Variants in RAB3IP observed in about 807,000 individuals in gnomAD.
RAB3IP encodes the protein RAB3A interacting protein.
In RAB3IP, 36 loss-of-function variants were observed where a neutral mutation model predicts 59.1. That is an observed-to-expected ratio of 0.61 (90% CI 0.47 to 0.80). The LOEUF is 0.80. Ranked by LOEUF, RAB3IP falls within the 30% of genes least tolerant of loss-of-function variation. RAB3IP has a pLI of 0.00. For missense variants in RAB3IP, 511 were observed against 536.0 expected, an observed-to-expected ratio of 0.95 and a Z score of 0.46; for synonymous variants, 207 against 191.2, an observed-to-expected ratio of 1.08 and a Z score of -0.68.
rs368657053 is a variant in RAB3IP, at chr12:69,795,666, C to T, written c.888+322C>T. Reference sequence around the variant, plus strand: ...CTAGTCAAAATTTATTGCTAGAGTGCGCTTACAAAGTATGGATATAAGAAA... The same window carrying T: ...CTAGTCAAAATTTATTGCTAGAGTGTGCTTACAAAGTATGGATATAAGAAA... On this transcript the variant is annotated intron_variant, in intron 6 of 10. Coordinates refer to ENST00000247833, the MANE Select transcript of RAB3IP (RefSeq NM_022456.5). 6.9e-5 allele frequency: 30 copies of T among 432,026 alleles called. 1 individual carries two copies. The highest frequency in any genetic ancestry group is 6.1e-4 in the South Asian group (8 of 13,032). The allele number at this position is 432,026 out of a possible 1,614,324, so 26.8% of individuals were successfully genotyped here.
At chr12:69,811,896 A>G (rs1880513112) in intron 8 of RAB3IP, 3 of 152,194 alleles carry the variant, frequency 2.0e-5, no homozygotes, top group Admixed American at 2.0e-4. Context: ...TTATACTGTC[A>G]TATAAAATGC....
At chr12:69,795,366 C>T (rs1200432489) in intron 6 of RAB3IP, 22 bp downstream of exon 6, 3 of 1,580,814 alleles carry the variant, frequency 1.9e-6, no homozygotes, top group Middle Eastern at 1.7e-4. Flanking sequence ...AGGACTGTCC[C>T]CTCTGACTCT....
chr12:69,769,724 T>C (rs964272756), intron 3 of RAB3IP, among the ~76,000 whole-genome samples: 8 of 152,262 alleles, frequency 5.3e-5, no homozygotes, highest in South Asian at 4.1e-4. Context: ...AAAAATAATA[T>C]AGATATGTCT....
chr12:69,806,322 T>A (rs550591726), intron 8 of RAB3IP, among the ~76,000 whole-genome samples: 1 of 152,220 alleles, frequency 6.6e-6, no homozygotes, highest in Non-Finnish European at 1.5e-5. Context: ...AGTTTGTATT[T>A]CTGTGGGAGC....
At chr12:69,740,382 T>C (rs917402156) in intron 1 of RAB3IP, among the ~76,000 whole-genome samples, 1 of 152,256 alleles carries the variant, frequency 6.6e-6, no homozygotes, top group Non-Finnish European at 1.5e-5. Flanking sequence ...GCTTATGTGA[T>C]CTAATCCTAA....
chr12:69,800,154 T>C, intron 6 of RAB3IP, 55 bp from the exon 7 acceptor site: 1 of 1,391,118 alleles, frequency 7.2e-7, no homozygotes. Flanking sequence ...TGTAAAGCGG[T>C]TTTTATGTTT....
intron 8 of RAB3IP, among the ~76,000 whole-genome samples, chr12:69,808,248 C>T (rs1202986737): frequency 1.3e-5 from 2 of 152,150 alleles, no homozygotes; most frequent in African/African-American, 4.8e-5. Flanking sequence ...GCACTGTGGT[C>T]TGAGAGACAG....
intron 3 of RAB3IP, among the ~76,000 whole-genome samples, chr12:69,764,438 A>C (rs1378618872): frequency 6.6e-6 from 1 of 152,180 alleles, no homozygotes; most frequent in Non-Finnish European, 1.5e-5. Flanking sequence ...ATTTTTGTCA[A>C]AGATCAGATG....
intron 3 of RAB3IP, among the ~76,000 whole-genome samples, chr12:69,768,149 C>T (rs1170674034): frequency 6.6e-6 from 1 of 151,966 alleles, no homozygotes; most frequent in African/African-American, 2.4e-5. Context: ...CCGTGATCTG[C>T]ATCCAGTAAG....
In RAB3IP at chr12:69,820,794, G is replaced by A. The variant is rs947442739; in HGVS notation, c.*5348G>A. On this transcript the variant is annotated 3_prime_UTR_variant, in exon 11 of 11. Coordinates refer to ENST00000247833, the MANE Select transcript of RAB3IP (RefSeq NM_022456.5). ...AAACGCTCGAACCCAGGAGGCAGAG[G>A]TTGTGGTGAGTTGACATCACGCCAT... 1 of 146,602 alleles carries A rather than the reference G, an allele frequency of 6.8e-6. No individual in the cohort carries two copies. Among genetic ancestry groups the A allele is most frequent in the African/African-American group, 2.5e-5 (1 of 39,396 alleles). The allele number at this position is 146,602 out of a possible 1,614,324, so 9.1% of individuals were successfully genotyped here. A position where few individuals can be genotyped will look rare whatever the true frequency, so the allele number is the denominator to read the frequency against.
At chr12:69,795,954 A>C (rs1877370610) in intron 6 of RAB3IP, 2 of 152,716 alleles carry the variant, frequency 1.3e-5, no homozygotes, top group Non-Finnish European at 2.9e-5. Flanking sequence ...TCAGACACTT[A>C]CAACTATGTA....
intron 6 of RAB3IP, among the ~76,000 whole-genome samples, chr12:69,797,052 T>G (rs893502063): frequency 1.4e-4 from 21 of 152,230 alleles, no homozygotes; most frequent in Non-Finnish European, 2.5e-4. Context: ...TTACATAAAT[T>G]TGACCTGTGT....
In RAB3IP at chr12:69,800,351, A is replaced by G. The variant is rs1460832562; in HGVS notation, c.1017+14A>G. The stretch of plus-strand genomic sequence containing the variant: ...TCAAAAAGTGAGGTAATTTTTTTTC[A>G]TTTTAGTAGGAATTCATTATAGTTG... On this transcript the variant is annotated intron_variant, in intron 7 of 10. Coordinates refer to ENST00000247833, the MANE Select transcript of RAB3IP (RefSeq NM_022456.5). 6.7e-7 allele frequency: 1 copy of G among 1,492,636 alleles called. No homozygotes were observed. Among genetic ancestry groups the G allele is most frequent in the Non-Finnish European group, 9.1e-7 (1 of 1,096,028 alleles). The allele number at this position is 1,492,636 out of a possible 1,614,324, so 92.5% of individuals were successfully genotyped here. A position where few individuals can be genotyped will look rare whatever the true frequency, so the allele number is the denominator to read the frequency against.
chr12:69,785,841 C>G (rs1875551923), intron 4 of RAB3IP, among the ~76,000 whole-genome samples: 1 of 152,112 alleles, frequency 6.6e-6, no homozygotes, highest in Non-Finnish European at 1.5e-5. Flanking sequence ...GGTAATACCC[C>G]CGGTCATTTT....
Position 69,785,200 on chromosome 12 carries a change from A to T in RAB3IP, c.606+385A>T, listed in dbSNP as rs1428969565. The stretch of plus-strand genomic sequence containing the variant: ...GATGATTTGAGAAATGTTAGAAGGC[A>T]CATCTACTTGTAAGAAGGCATACTT... On this transcript the variant is annotated intron_variant, in intron 4 of 10. Coordinates refer to ENST00000247833, the MANE Select transcript of RAB3IP (RefSeq NM_022456.5). 2.0e-5 allele frequency among the ~76,000 whole-genome samples: 3 copies of T among 152,346 alleles called. No homozygotes were observed. The East Asian group carries it at 5.8e-4, about 29-fold the overall frequency.
chr12:69,794,480 C>T lies in RAB3IP; in HGVS notation c.650C>T (p.Thr217Ile). The change falls in exon 5 of 11, where the codon ACA becomes ATA. Residue 217 changes from threonine to isoleucine, a missense_variant. Transcript: ENST00000247833. The part of the protein sequence containing the change: ...MVREANIKQA[T>I]AEKQLKEAQG... The stretch of plus-strand genomic sequence containing the variant: ...AGAGAAGCAAATATCAAGCAGGCAA[C>T]AGCAGAAAAACAGCTAAAAGAAGCA... The T allele has an allele frequency of 6.2e-7, 1 of 1,613,062 alleles. No homozygotes were observed. Among genetic ancestry groups the T allele is most frequent in the Non-Finnish European group, 8.5e-7 (1 of 1,179,500 alleles).
At chr12:69,756,700 A>T (rs1302563019) in intron 3 of RAB3IP, 37 bp downstream of exon 3, 1 of 1,535,564 alleles carries the variant, frequency 6.5e-7, no homozygotes, top group Non-Finnish European at 8.8e-7. Context: ...CATATATTAT[A>T]TTAGAAATTA....
chr12:69,809,246 C>T (rs1328567485), intron 8 of RAB3IP, among the ~76,000 whole-genome samples: 2 of 152,188 alleles, frequency 1.3e-5, no homozygotes, highest in Non-Finnish European at 2.9e-5. Flanking sequence ...CTTCTGGCTT[C>T]TAGAGTTTCT....
At chr12:69,785,301 C>A (rs558877503) in intron 4 of RAB3IP, among the ~76,000 whole-genome samples, 1 of 152,302 alleles carries the variant, frequency 6.6e-6, no homozygotes, top group East Asian at 1.9e-4. Context: ...GCCACTAACA[C>A]TGTAGGACGT....
Sources: allele counts gnomAD v4.1 joint callset (sites outside exome capture counted in the v4.1 genomes callset), GRCh38; gene constraint gnomAD v4.1.1; transcripts MANE v1.5; gene names NCBI Gene and HGNC (gene_info 2026-07-23, HGNC 2026-07-21).